Variants in CCSER1 observed in about 807,000 individuals in gnomAD.
CCSER1 encodes the protein serine-rich coiled-coil domain-containing protein 1.
CCSER1 carries 41 observed loss-of-function variants against 82.0 expected under a neutral mutation model. The ratio of observed to expected loss-of-function variants is 0.50; its 90% CI spans 0.39 to 0.65. CCSER1 has a LOEUF of 0.65. CCSER1 is among the 30% of genes least tolerant of loss of function. The probability of loss-of-function intolerance (pLI) is 0.00; values close to 1 mark genes in which losing one functional copy is unlikely to be tolerated. For synonymous variants in CCSER1, 414 were observed against 383.9 expected (o/e 1.08, Z -0.92); for missense variants, 1,119 against 1,064.2 (o/e 1.05, Z -0.72).
chr4:90,304,725 G>C (rs9684318), intron 1 of CCSER1, among the ~76,000 whole-genome samples: 77,219 of 151,642 alleles, frequency 0.51, 20,598 homozygotes, highest in African/African-American at 0.68. Context: ...GTGCAGCACA[G>C]CAGCATGGCA....
intron 1 of CCSER1, among the ~76,000 whole-genome samples, chr4:90,234,766 A>C (rs1288029769): frequency 2.0e-5 from 3 of 152,164 alleles, no homozygotes; most frequent in Non-Finnish European, 4.4e-5. Flanking sequence ...ATACACAATA[A>C]ATTTGAGGCA....
At chr4:90,759,793 G>A (rs867419189) in intron 7 of CCSER1, among the ~76,000 whole-genome samples, 37 of 151,964 alleles carry the variant, frequency 2.4e-4, no homozygotes, top group Non-Finnish European at 4.1e-4. Flanking sequence ...AATTTCTTTC[G>A]TCTTCACCAC....
chr4:91,069,052 TA>T (rs1721150260), intron 9 of CCSER1, among the ~76,000 whole-genome samples: 1 of 152,192 alleles, frequency 6.6e-6, no homozygotes, highest in Admixed American at 6.5e-5. Flanking sequence ...CATGCACCTG[TA>T]ACCCCAGCTA....
intron 10 of CCSER1, among the ~76,000 whole-genome samples, chr4:91,375,022 G>A (rs1750307067): frequency 6.6e-6 from 1 of 152,112 alleles, no homozygotes; most frequent in Non-Finnish European, 1.5e-5. Flanking sequence ...ATTTTGTAAG[G>A]CTATAGCTGC....
intron 5 of CCSER1, among the ~76,000 whole-genome samples, chr4:90,536,753 T>C (rs1222204437): frequency 6.6e-6 from 1 of 152,230 alleles, no homozygotes; most frequent in African/African-American, 2.4e-5. Flanking sequence ...TCACTTAATC[T>C]TTTTCACCAT....
chr4:91,113,893 C>G (rs1348833782), intron 10 of CCSER1, among the ~76,000 whole-genome samples: 1 of 151,012 alleles, frequency 6.6e-6, no homozygotes, highest in Non-Finnish European at 1.5e-5. Flanking sequence ...CGCTCTGTCG[C>G]TCAGGCTGGA....
chr4:91,007,497 A>G (rs1738615300), intron 9 of CCSER1, among the ~76,000 whole-genome samples: 1 of 151,976 alleles, frequency 6.6e-6, no homozygotes, highest in South Asian at 2.1e-4. Flanking sequence ...CTACTTCTTC[A>G]TGCTTAAATC....
chr4:90,609,042 C>T (rs1560804686), intron 5 of CCSER1, among the ~76,000 whole-genome samples: 1 of 152,012 alleles, frequency 6.6e-6, no homozygotes, highest in African/African-American at 2.4e-5. Context: ...ATAGTACCGC[C>T]TCCAAGATAG....
chr4:90,961,284 T>C (rs745976997), intron 9 of CCSER1, among the ~76,000 whole-genome samples: 1 of 152,168 alleles, frequency 6.6e-6, no homozygotes, highest in Non-Finnish European at 1.5e-5. Context: ...AGTTCCAGTA[T>C]AGACCTTCTA....
At chr4:91,384,726 GAC>G (rs1319438205) in intron 10 of CCSER1, among the ~76,000 whole-genome samples, 2 of 151,988 alleles carry the variant, frequency 1.3e-5, no homozygotes, top group African/African-American at 2.4e-5. Context: ...TTCACTGACA[GAC>G]ACAAAAACTT....
intron 9 of CCSER1, among the ~76,000 whole-genome samples, chr4:90,996,898 A>G (rs964536161): frequency 3.3e-5 from 5 of 152,024 alleles, no homozygotes; most frequent in African/African-American, 7.2e-5. Context: ...TTAACCATTC[A>G]CCCCTTAAAG....
intron 10 of CCSER1, among the ~76,000 whole-genome samples, chr4:91,095,078 T>G (rs536198252): frequency 1.3e-5 from 2 of 152,260 alleles, no homozygotes; most frequent in Admixed American, 1.3e-4. Flanking sequence ...CTGGGGTGGT[T>G]ACTACTGAGT....
chr4:91,573,504 T>C (rs867245678), intron 10 of CCSER1, among the ~76,000 whole-genome samples: 4 of 152,252 alleles, frequency 2.6e-5, no homozygotes, highest in South Asian at 2.1e-4. Flanking sequence ...CTCTGTCAGA[T>C]TGAAGGCCCT....
At chr4:90,799,462 CTGGTGTG>C (rs958025369) in intron 7 of CCSER1, among the ~76,000 whole-genome samples, 7 of 152,158 alleles carry the variant, frequency 4.6e-5, no homozygotes, top group Admixed American at 3.9e-4. Flanking sequence ...AGTGTGCAGG[CTGGTGTG>C]TGGCCGTAGG....
intron 10 of CCSER1, among the ~76,000 whole-genome samples, chr4:91,364,567 G>C (rs1222740699): frequency 6.6e-6 from 1 of 151,974 alleles, no homozygotes; most frequent in Non-Finnish European, 1.5e-5. Flanking sequence ...GCTCTCAACT[G>C]TATGATATTA....
At chr4:90,327,120 T>C (rs890573400) in intron 3 of CCSER1, among the ~76,000 whole-genome samples, 3 of 152,178 alleles carry the variant, frequency 2.0e-5, no homozygotes, top group African/African-American at 4.8e-5. Context: ...GCTTTCTTAC[T>C]TTCAGGAAAG....
At chr4:90,749,805 C>G (rs1371129239) in intron 7 of CCSER1, among the ~76,000 whole-genome samples, 1 of 151,662 alleles carries the variant, frequency 6.6e-6, no homozygotes, top group African/African-American at 2.4e-5. Context: ...GGGTATATAC[C>G]CAGTAATGGG....
intron 10 of CCSER1, among the ~76,000 whole-genome samples, chr4:91,227,804 G>A (rs1162566775): frequency 6.6e-6 from 1 of 151,852 alleles, no homozygotes; most frequent in Non-Finnish European, 1.5e-5. Flanking sequence ...TTACCAAATA[G>A]GGTCCATGAA....
intron 10 of CCSER1, among the ~76,000 whole-genome samples, chr4:91,524,150 CAT>C (rs1760653989): frequency 6.6e-6 from 1 of 152,206 alleles, no homozygotes; most frequent in African/African-American, 2.4e-5. Context: ...ACCTCAAGGT[CAT>C]ATGTCTCTTA....
Sources: allele counts gnomAD v4.1 joint callset (sites outside exome capture counted in the v4.1 genomes callset), GRCh38; gene constraint gnomAD v4.1.1; transcripts MANE v1.5; gene names NCBI Gene and HGNC (gene_info 2026-07-23, HGNC 2026-07-21).